CC2D2A: variants seen among roughly 807,000 people sequenced by gnomAD.
CC2D2A encodes coiled-coil and C2 domain containing 2A.
In CC2D2A, 155 loss-of-function variants were observed where a neutral mutation model predicts 212.9. The observed-to-expected ratio is 0.73, with a 90% CI of 0.64 to 0.83. The LOEUF (loss-of-function observed/expected upper bound fraction) is 0.83, where lower values mean the gene tolerates loss of function less well. Among genes scored for constraint, CC2D2A ranks in the 40% least tolerant of loss-of-function variants. The pLI is 0.00. For missense variants in CC2D2A, 1,856 were observed against 1,956.2 expected (o/e 0.95, Z 0.97); for synonymous variants, 667 against 686.5 (o/e 0.97, Z 0.44).
intron 10 of CC2D2A, 63 bp from the exon 11 acceptor site, chr4:15,516,562 G>A: frequency 6.6e-7 from 1 of 1,523,370 alleles, no homozygotes; most frequent in Non-Finnish European, 8.9e-7. Flanking sequence ...TGTTGTTTGT[G>A]TTGTGAACCA....
At chr4:15,588,008 A>G (rs1720930002) in intron 32 of CC2D2A, 79 bp downstream of exon 32, 1 of 737,940 alleles carries the variant, frequency 1.4e-6, no homozygotes. Context: ...CACACAGGAC[A>G]TATTTTCATA....
At chr4:15,587,175 G>A (rs999149181) in intron 31 of CC2D2A, among the ~76,000 whole-genome samples, 40 of 152,198 alleles carry the variant, frequency 2.6e-4, no homozygotes, top group Admixed American at 2.4e-3. Flanking sequence ...AGGCCTGCAC[G>A]ACCTGGATTC....
chr4:15,491,415 C>T (rs113250950), intron 4 of CC2D2A, among the ~76,000 whole-genome samples: 9,146 of 152,058 alleles, frequency 0.06, 780 homozygotes, highest in African/African-American at 0.19. Context: ...TTTTCGTTTG[C>T]TTGTTTGAGA....
In CC2D2A at chr4:15,516,741, A is replaced by G; in HGVS notation, c.1134A>G (p.Glu378=). The change falls in exon 11 of 37, where the codon GAA becomes GAG. Residue 378 remains glutamate (E), a synonymous_variant. Transcript: ENST00000424120. ...AGCAGAGCATTAAGGCAGAGCTTGA[A>G]ACACTGTATAAAAAGGTAGACACTC... ...TQEQSIKAEL[E]TLYKKAVKYV... 6.2e-7 allele frequency: 1 copy of G among 1,612,358 alleles called. No homozygotes were observed.
chr4:15,573,678 G>A (rs1348887421), intron 28 of CC2D2A, among the ~76,000 whole-genome samples: 1 of 152,208 alleles, frequency 6.6e-6, no homozygotes, highest in Non-Finnish European at 1.5e-5. Context: ...CTGAAAAATG[G>A]AGATGGGAAG....
chr4:15,475,969 G>A lies in CC2D2A; in HGVS notation c.37G>A (p.Glu13Lys). The stretch of plus-strand genomic sequence containing the variant: ...GGAAGAAAAAGTAAAAATAATTACA[G>A]AGGTAAGTGGCCACTTTGATGTCCT... ...PREEKVKIIT[E>K]EFIENDEDAD... The change falls in exon 2 of 37, where the codon GAG (glutamate) becomes AAG (lysine). Residue 13 changes from glutamate to lysine, a missense_variant and splice_region_variant. Coordinates refer to ENST00000424120, the MANE Select transcript of CC2D2A (RefSeq NM_001378615.1). The A allele has an allele frequency of 6.3e-7, 1 of 1,589,470 alleles. No individual in the cohort carries two copies. The highest frequency in any genetic ancestry group is 8.6e-7 in the Non-Finnish European group (1 of 1,167,112).
At position 15,502,514 on chromosome 4, in the gene CC2D2A, G is replaced by T; in HGVS notation, c.333G>T (p.Ala111=). The T allele has an allele frequency of 6.3e-7, 1 of 1,597,228 alleles. No individual in the cohort carries two copies. Residue 111 remains alanine, a synonymous_variant, in exon 5 of 37, where the codon GCG becomes GCT. Coordinates refer to ENST00000424120, the MANE Select transcript of CC2D2A (RefSeq NM_001378615.1). ...RGRMREKLQA[A]RSKAESALLQ... is the part of the protein sequence containing the mutation. Reference sequence around the variant, plus strand: ...GCATGAGGGAGAAATTGCAAGCAGCGAGGGTGAGAGAAACCACATGAATAT... The same window carrying T: ...GCATGAGGGAGAAATTGCAAGCAGCTAGGGTGAGAGAAACCACATGAATAT...
chr4:15,576,719 T>G (rs138261143), intron 29 of CC2D2A: 1 of 152,700 alleles, frequency 6.5e-6, no homozygotes, highest in African/African-American at 2.4e-5. Context: ...ACAGGTGTTA[T>G]GTCCTAACGT....
chr4:15,587,842 TGAA>T lies in CC2D2A; in HGVS notation c.4099_4101del (p.Glu1367del), dbSNP rs794729225. On this transcript the variant is annotated inframe_deletion, in exon 32 of 37. Coordinates refer to ENST00000424120, the MANE Select transcript of CC2D2A (RefSeq NM_001378615.1). ...AATTTCTTGATCTCCTGGCAGGGGA[TGAA>T]GAAGAACATGCAGTACTATTGTGTA... is the stretch of plus-strand genomic sequence containing the variant. 3.7e-6 allele frequency: 6 copies of T among 1,612,866 alleles called. No individual in the cohort carries two copies. Among genetic ancestry groups the T allele is most frequent in the Non-Finnish European group, 4.2e-6 (5 of 1,179,010 alleles).
chr4:15,531,455 T>G (rs935831603), intron 13 of CC2D2A, among the ~76,000 whole-genome samples: 9 of 152,212 alleles, frequency 5.9e-5, no homozygotes, highest in African/African-American at 2.2e-4. Flanking sequence ...ACTGTTGTTT[T>G]CTTTTTACCC....
At chr4:15,536,507 G>A (rs1361840710) in intron 14 of CC2D2A, among the ~76,000 whole-genome samples, 1 of 152,154 alleles carries the variant, frequency 6.6e-6, no homozygotes, top group Non-Finnish European at 1.5e-5. Flanking sequence ...CAGGGACTCA[G>A]TAGCAACAAA....
At chr4:15,565,372 A>G (rs1400751246) in intron 24 of CC2D2A, among the ~76,000 whole-genome samples, 2 of 146,924 alleles carry the variant, frequency 1.4e-5, no homozygotes, top group Non-Finnish European at 3.0e-5. Context: ...AGTCTTTACC[A>G]TTTACCTTTG....
At chr4:15,492,803 G>A in intron 4 of CC2D2A, 1 of 662,664 alleles carries the variant, frequency 1.5e-6, no homozygotes, top group Non-Finnish European at 2.8e-6. Flanking sequence ...CAGGAAATGA[G>A]CTTGATAAAG....
At chr4:15,587,443 G>T (rs369926626) in intron 31 of CC2D2A, among the ~76,000 whole-genome samples, 1 of 151,992 alleles carries the variant, frequency 6.6e-6, no homozygotes, top group Admixed American at 6.6e-5. Flanking sequence ...TTGCTCATCT[G>T]TAAAATATGC....
At chr4:15,518,626 C>T (rs1483072315) in intron 11 of CC2D2A, among the ~76,000 whole-genome samples, 1 of 152,274 alleles carries the variant, frequency 6.6e-6, no homozygotes, top group Non-Finnish European at 1.5e-5. Flanking sequence ...CCTCCCCCTG[C>T]AGCAAACTTC....
chr4:15,551,088 A>C, intron 18 of CC2D2A, 108 bp downstream of exon 18: 5 of 1,024,076 alleles, frequency 4.9e-6, no homozygotes, highest in African/African-American at 1.6e-5. Context: ...AATTGATATC[A>C]AAAATTCAAA....
chr4:15,542,468 A>G (rs1718504614), intron 17 of CC2D2A, among the ~76,000 whole-genome samples: 1 of 152,198 alleles, frequency 6.6e-6, no homozygotes, highest in Non-Finnish European at 1.5e-5. Context: ...CCAGAAAGCA[A>G]TAATTGATGG....
At chr4:15,589,230 A>G (rs1720983498) in intron 32 of CC2D2A, among the ~76,000 whole-genome samples, 1 of 152,224 alleles carries the variant, frequency 6.6e-6, no homozygotes, top group Admixed American at 6.5e-5. Context: ...CTCTAAGAAG[A>G]AAACGCCAGT....
intron 4 of CC2D2A, among the ~76,000 whole-genome samples, chr4:15,488,511 T>C (rs1715130357): frequency 6.6e-6 from 1 of 152,220 alleles, no homozygotes; most frequent in Non-Finnish European, 1.5e-5. Flanking sequence ...TCTTTGTCCT[T>C]GACTTTTGAG....
Sources: gnomAD v4.1 joint callset for allele counts (sites outside exome capture counted in the v4.1 genomes callset) on GRCh38, gnomAD v4.1.1 for gene constraint, MANE v1.5 for transcripts, NCBI Gene and HGNC (gene_info 2026-07-23, HGNC 2026-07-21) for gene names.